ZNF423: variants seen among roughly 807,000 people sequenced by gnomAD.
The protein encoded by ZNF423 is zinc finger protein 423.
Under a neutral mutation model 95.8 loss-of-function variants are expected in ZNF423, and 12 were observed. That is an observed-to-expected ratio of 0.13 (90% CI 0.08 to 0.20). The LOEUF is 0.20. Ranked by LOEUF, ZNF423 falls within the 10% of genes least tolerant of loss-of-function variation. The pLI, the probability that ZNF423 is intolerant of heterozygous loss-of-function variation, is 1.00. For missense variants in ZNF423, 1,316 were observed against 1,737.1 expected, an observed-to-expected ratio of 0.76 and a Z score of 4.31; for synonymous variants, 749 against 711.9, an observed-to-expected ratio of 1.05 and a Z score of -0.83.
At chr16:49,843,519 T>C (rs1222526563) in intron 1 of ZNF423, among the ~76,000 whole-genome samples, 1 of 152,198 alleles carries the variant, frequency 6.6e-6, no homozygotes, top group Non-Finnish European at 1.5e-5. Context: ...GATTGGAAAC[T>C]TAACTCATGT....
chr16:49,538,448 C>G (rs1029119343), intron 5 of ZNF423, among the ~76,000 whole-genome samples: 1 of 152,202 alleles, frequency 6.6e-6, no homozygotes, highest in African/African-American at 2.4e-5. Context: ...GCTCCTGGCC[C>G]CACCTCATCA....
At chr16:49,733,221 A>T (rs2033210625) in intron 2 of ZNF423, among the ~76,000 whole-genome samples, 1 of 152,030 alleles carries the variant, frequency 6.6e-6, no homozygotes, top group African/African-American at 2.4e-5. Context: ...AATAAAAAAA[A>T]AATGTTCTGT....
chr16:49,781,554 A>C (rs1336964712), intron 2 of ZNF423, among the ~76,000 whole-genome samples: 2 of 152,168 alleles, frequency 1.3e-5, no homozygotes, highest in Non-Finnish European at 2.9e-5. Context: ...GTTTCTGTGA[A>C]GCTGTTGAAA....
At chr16:49,653,082 A>G (rs1184099015) in intron 3 of ZNF423, among the ~76,000 whole-genome samples, 2 of 152,148 alleles carry the variant, frequency 1.3e-5, no homozygotes, top group Non-Finnish European at 2.9e-5. Context: ...TTTTTGGATA[A>G]TCCACATATT....
At position 49,603,381 on chromosome 16, in the gene ZNF423, A is replaced by G. The variant is rs948778638; in HGVS notation, c.3601+22789T>C. Reference sequence around the variant, plus strand: ...GTTCCTGAATTTAGAAAAGCCCAGCATATGGTTTTATACCCTACTGTCACT... The same window carrying G: ...GTTCCTGAATTTAGAAAAGCCCAGCGTATGGTTTTATACCCTACTGTCACT... On this transcript the variant is annotated intron_variant, in intron 5 of 7. Transcript: ENST00000563137. The surrounding 1 kb of genome is among the most constrained non-coding windows in gnomAD (Gnocchi z 4.1). Among the ~76,000 whole-genome samples, 4 of 152,130 alleles carry G rather than the reference A, an allele frequency of 2.6e-5. No individual in the cohort carries two copies. Among genetic ancestry groups the G allele is most frequent in the Non-Finnish European group, 5.9e-5 (4 of 68,024 alleles).
At chr16:49,550,301 T>C (rs1031174557) in intron 5 of ZNF423, among the ~76,000 whole-genome samples, 1 of 152,250 alleles carries the variant, frequency 6.6e-6, no homozygotes, top group African/African-American at 2.4e-5. Flanking sequence ...GATTCTGACA[T>C]TACCCTTCCC....
In ZNF423 at chr16:49,855,330, CCCG is replaced by C. The variant is rs1305779763; in HGVS notation, c.40+402_40+404del. Among the ~76,000 whole-genome samples the C allele has an allele frequency of 6.6e-6, 1 of 151,324 alleles. No individual in the cohort carries two copies. The highest frequency in any genetic ancestry group is 1.5e-5 in the Non-Finnish European group (1 of 67,662). On this transcript the variant is annotated intron_variant, in intron 1 of 7. Transcript: ENST00000563137. This position sits in a 1 kb window ranked among gnomAD's most constrained non-coding sequence, Gnocchi z 4.7. ...GCCTCTTCCTTCCTCCTGTCGCCCG[CCCG>C]CCGCCGCCGAGATTCGCAATCCCCG...
In ZNF423 at chr16:49,731,221, C is replaced by T. The variant is rs562295686; in HGVS notation, c.101-250G>A. 2.6e-5 allele frequency: 18 copies of T among 702,660 alleles called. No homozygotes were observed. In the South Asian group the frequency reaches 6.4e-4, roughly 25 times the overall value. The allele number at this position is 702,660 out of a possible 1,614,324, so 43.5% of individuals were successfully genotyped here. A position where few individuals can be genotyped will look rare whatever the true frequency, so the allele number is the denominator to read the frequency against. ...TTTCCTGTCATCTCCCCTCTGTGCA[C>T]GGATGCTGGGGGCCGTGACCCATCG... is the stretch of plus-strand genomic sequence containing the variant. On this transcript the variant is annotated intron_variant, in intron 2 of 7. Transcript: ENST00000563137.
At chr16:49,701,664 C>T (rs1315665230) in intron 3 of ZNF423, among the ~76,000 whole-genome samples, 2 of 152,086 alleles carry the variant, frequency 1.3e-5, no homozygotes, top group African/African-American at 2.4e-5. Flanking sequence ...AATACCTCTT[C>T]GACACTGGGT....
At chr16:49,679,268 G>A (rs1045956487) in intron 3 of ZNF423, among the ~76,000 whole-genome samples, 1 of 152,226 alleles carries the variant, frequency 6.6e-6, no homozygotes, top group Non-Finnish European at 1.5e-5. Flanking sequence ...CCAGGGCTGC[G>A]CCCTCCGTGG....
chr16:49,794,634 C>T (rs764228217), intron 1 of ZNF423, among the ~76,000 whole-genome samples: 2 of 152,224 alleles, frequency 1.3e-5, no homozygotes, highest in African/African-American at 4.8e-5. Context: ...GGCCAGGCTG[C>T]AGCTGCCCAC....
At chr16:49,677,324 AGGGGAGGGGAGGGGAGGGGAGG>A (rs2031141114) in intron 3 of ZNF423, among the ~76,000 whole-genome samples, 1 of 39,152 alleles carries the variant, frequency 2.6e-5, no homozygotes, top group Non-Finnish European at 4.5e-5. Context: ...AGGGGAAGGG[AGGGGAGGGGAGGGGAGGGGAGG>A]AGGGGAGGGG....
At chr16:49,623,727 T>C (rs1972162305) in intron 5 of ZNF423, among the ~76,000 whole-genome samples, 1 of 152,132 alleles carries the variant, frequency 6.6e-6, no homozygotes, top group Admixed American at 6.5e-5. Flanking sequence ...CCACCTGCTC[T>C]TCCTGGGCCC....
intron 1 of ZNF423, among the ~76,000 whole-genome samples, chr16:49,849,704 A>G (rs2035281837): frequency 6.6e-6 from 1 of 152,208 alleles, no homozygotes; most frequent in African/African-American, 2.4e-5. Flanking sequence ...TAAAAAAGAA[A>G]GAAAACGAAA....
At chr16:49,511,088 C>T (rs1372468474) in intron 7 of ZNF423, among the ~76,000 whole-genome samples, 3 of 152,240 alleles carry the variant, frequency 2.0e-5, no homozygotes, top group Non-Finnish European at 4.4e-5. Context: ...ATTGCTCAGG[C>T]GAGCTGACCC....
intron 3 of ZNF423, among the ~76,000 whole-genome samples, chr16:49,675,570 T>C (rs1218842265): frequency 2.7e-5 from 4 of 148,698 alleles, no homozygotes; most frequent in African/African-American, 7.5e-5. Flanking sequence ...CCCACCCCCC[T>C]CCAGCTGCCT....
chr16:49,626,013 C>T (rs1349391388), intron 5 of ZNF423, among the ~76,000 whole-genome samples, 157 bp downstream of exon 5: 4 of 152,058 alleles, frequency 2.6e-5, no homozygotes. Flanking sequence ...GAGAAAGGGC[C>T]CCCATTCTGA....
At chr16:49,671,283 G>T (rs1329633418) in intron 3 of ZNF423, among the ~76,000 whole-genome samples, 2 of 152,208 alleles carry the variant, frequency 1.3e-5, no homozygotes, top group African/African-American at 4.8e-5. Flanking sequence ...TGTGAAGGGG[G>T]TCCCCTCTGA....
intron 2 of ZNF423, among the ~76,000 whole-genome samples, chr16:49,778,051 T>C (rs2034149247): frequency 6.6e-6 from 1 of 152,206 alleles, no homozygotes; most frequent in South Asian, 2.1e-4. Flanking sequence ...ATGTGCTAAC[T>C]ATCACGTATG....
Sources: gnomAD v4.1 joint callset for allele counts (sites outside exome capture counted in the v4.1 genomes callset) on GRCh38, gnomAD v4.1.1 for gene constraint, Gnocchi (gnomAD v3.1) non-coding constraint, MANE v1.5 for transcripts, NCBI Gene and HGNC (gene_info 2026-07-23, HGNC 2026-07-21) for gene names.